The following BANK1 variants were observed in gnomAD, a reference collection of about 807,000 sequenced individuals.
The protein encoded by BANK1 is B-cell scaffold protein with ankyrin repeats.
BANK1 carries 95 observed loss-of-function variants against 94.5 expected under a neutral mutation model. The ratio of observed to expected loss-of-function variants is 1.00; its 90% CI spans 0.85 to 1.19. The LOEUF (loss-of-function observed/expected upper bound fraction) is 1.19, where lower values mean the gene tolerates loss of function less well. Among genes scored for constraint, BANK1 ranks in the 50% most tolerant of loss-of-function variants. BANK1 has a pLI of 0.00. For missense variants in BANK1, 987 were observed against 932.2 expected (o/e 1.06, Z -0.77); for synonymous variants, 334 against 308.4 (o/e 1.08, Z -0.87).
intron 2 of BANK1, among the ~76,000 whole-genome samples, chr4:101,843,608 G>A (rs1038995896): frequency 2.2e-4 from 33 of 152,056 alleles, no homozygotes; most frequent in Non-Finnish European, 3.7e-4. Flanking sequence ...TTGTCTTTGC[G>A]TAATTTTCTT....
intron 10 of BANK1, among the ~76,000 whole-genome samples, chr4:102,032,657 T>G (rs1317222000): frequency 1.3e-5 from 2 of 151,878 alleles, no homozygotes; most frequent in Non-Finnish European, 2.9e-5. Flanking sequence ...CCGAGGCAGG[T>G]GGATCACCTG....
At chr4:101,893,052 G>A (rs910737555) in intron 5 of BANK1, among the ~76,000 whole-genome samples, 1 of 152,122 alleles carries the variant, frequency 6.6e-6, no homozygotes, top group Non-Finnish European at 1.5e-5. Flanking sequence ...GAAGTGGTTA[G>A]ATTCAACTAA....
At chr4:101,892,076 T>C (rs995348282) in intron 5 of BANK1, among the ~76,000 whole-genome samples, 4 of 151,886 alleles carry the variant, frequency 2.6e-5, no homozygotes, top group African/African-American at 9.7e-5. Flanking sequence ...AGTGATTTTC[T>C]ACTGAAAGTT....
intron 2 of BANK1, among the ~76,000 whole-genome samples, chr4:101,845,904 G>A (rs984137725): frequency 2.0e-5 from 3 of 150,588 alleles, no homozygotes; most frequent in Admixed American, 6.6e-5. Context: ...TAAGGTACAG[G>A]TGCACAACGT....
intron 7 of BANK1, among the ~76,000 whole-genome samples, chr4:101,964,737 T>G (rs1193496090): frequency 1.3e-5 from 2 of 152,182 alleles, no homozygotes; most frequent in Non-Finnish European, 2.9e-5. Context: ...TGAGATTAAC[T>G]TAAAATAAAT....
intron 11 of BANK1, 118 bp downstream of exon 11, chr4:102,044,025 T>G: frequency 1.8e-6 from 1 of 559,570 alleles, no homozygotes; most frequent in Non-Finnish European, 3.1e-6. Context: ...TTATAAATCT[T>G]ACTCTTTTTT....
intron 7 of BANK1, among the ~76,000 whole-genome samples, chr4:101,979,371 G>C (rs1197577166): frequency 6.6e-6 from 1 of 151,840 alleles, no homozygotes; most frequent in Non-Finnish European, 1.5e-5. Flanking sequence ...AATCCAGAAA[G>C]AGAAAGAACA....
intron 2 of BANK1, among the ~76,000 whole-genome samples, chr4:101,851,195 C>T (rs1727461784): frequency 6.6e-6 from 1 of 152,014 alleles, no homozygotes; most frequent in African/African-American, 2.4e-5. Flanking sequence ...AGTGAACACA[C>T]AAATGATAAG....
At chr4:101,800,719 T>C (rs1030697189) in intron 1 of BANK1, among the ~76,000 whole-genome samples, 1 of 152,230 alleles carries the variant, frequency 6.6e-6, no homozygotes, top group East Asian at 1.9e-4. Flanking sequence ...TAGGCAATTC[T>C]TGTTACACGT....
intron 7 of BANK1, among the ~76,000 whole-genome samples, chr4:102,002,481 T>C (rs1267201840): frequency 6.6e-6 from 1 of 151,900 alleles, no homozygotes; most frequent in Non-Finnish European, 1.5e-5. Flanking sequence ...AAAATATTAG[T>C]AATCATTATT....
At chr4:102,043,486 T>G (rs886869481) in intron 10 of BANK1, among the ~76,000 whole-genome samples, 18 of 152,080 alleles carry the variant, frequency 1.2e-4, no homozygotes, top group Non-Finnish European at 2.1e-4. Flanking sequence ...ATGGGTAATT[T>G]CTGTGCAAAT....
At chr4:101,898,054 G>A (rs935433249) in intron 6 of BANK1, among the ~76,000 whole-genome samples, 1 of 151,460 alleles carries the variant, frequency 6.6e-6, no homozygotes, top group Non-Finnish European at 1.5e-5. Flanking sequence ...ATTATTGCTG[G>A]GTATTATTGC....
chr4:101,849,858 C>G (rs1020564656), intron 2 of BANK1, among the ~76,000 whole-genome samples: 3 of 152,248 alleles, frequency 2.0e-5, no homozygotes, highest in African/African-American at 7.2e-5. Flanking sequence ...CTACTTATGG[C>G]TCTGTTACTT....
chr4:101,798,751 A>G (rs1264155900), intron 1 of BANK1, among the ~76,000 whole-genome samples: 3 of 152,104 alleles, frequency 2.0e-5, no homozygotes, highest in African/African-American at 7.2e-5. Context: ...TGGCTGCATA[A>G]ATGTATTCTT....
At chr4:101,846,507 G>C (rs185065069) in intron 2 of BANK1, among the ~76,000 whole-genome samples, 44 of 152,184 alleles carry the variant, frequency 2.9e-4, no homozygotes, top group African/African-American at 1.0e-3. Context: ...TTTAAGACTG[G>C]GTAATTTTTA....
At chr4:102,010,453 C>T (rs1433791877) in intron 7 of BANK1, among the ~76,000 whole-genome samples, 3 of 142,726 alleles carry the variant, frequency 2.1e-5, no homozygotes, top group Non-Finnish European at 3.0e-5. Flanking sequence ...AGTGCAATGG[C>T]GCCATCTGGG....
chr4:101,903,152 T>A (rs1722336563), intron 6 of BANK1, among the ~76,000 whole-genome samples: 1 of 152,230 alleles, frequency 6.6e-6, no homozygotes, highest in Admixed American at 6.5e-5. Context: ...ATTAGCCCCA[T>A]CTGTAAAAAC....
intron 13 of BANK1, among the ~76,000 whole-genome samples, chr4:102,069,426 A>G (rs1728688564): frequency 6.6e-6 from 1 of 152,236 alleles, no homozygotes; most frequent in Admixed American, 6.5e-5. Flanking sequence ...CTACACTGAT[A>G]TACCAATACA....
chr4:101,867,175 T>TA (rs774893110), intron 4 of BANK1, among the ~76,000 whole-genome samples: 1,066 of 34,196 alleles, frequency 0.031, 141 homozygotes, highest in Admixed American at 0.18. Context: ...TAAAAAAAAT[T>TA]TAAAAAAAAA....
Sources: gnomAD v4.1 joint callset for allele counts (sites outside exome capture counted in the v4.1 genomes callset) on GRCh38, gnomAD v4.1.1 for gene constraint, MANE v1.5 for transcripts, NCBI Gene and HGNC (gene_info 2026-07-23, HGNC 2026-07-21) for gene names.